Variants in PRKG1 observed in about 807,000 individuals in gnomAD.
PRKG1 encodes cGMP-dependent protein kinase 1.
In PRKG1, 35 loss-of-function variants were observed where a neutral mutation model predicts 88.1. The observed-to-expected ratio is 0.40, with a 90% confidence interval of 0.30 to 0.53. The LOEUF is 0.53. Among genes scored for constraint, PRKG1 ranks in the 20% least tolerant of loss-of-function variants. The pLI is 0.59. For synonymous variants in PRKG1, 303 were observed against 292.5 expected (o/e 1.04, Z -0.37); for missense variants, 540 against 839.8 (o/e 0.64, Z 4.41).
chr10:52,155,410 T>C (rs1838063989), intron 8 of PRKG1, among the ~76,000 whole-genome samples: 1 of 152,022 alleles, frequency 6.6e-6, no homozygotes, highest in African/African-American at 2.4e-5. Context: ...ACAGTAGAAT[T>C]ACTAGATAAG....
intron 3 of PRKG1, among the ~76,000 whole-genome samples, chr10:51,642,905 G>A (rs1453035765): frequency 6.6e-6 from 1 of 152,098 alleles, no homozygotes; most frequent in Non-Finnish European, 1.5e-5. Flanking sequence ...TGCATTTTGA[G>A]CTCTCTGAAA....
intron 2 of PRKG1, among the ~76,000 whole-genome samples, chr10:51,286,144 TA>T (rs1307980512): frequency 6.6e-6 from 1 of 152,130 alleles, no homozygotes; most frequent in African/African-American, 2.4e-5. Flanking sequence ...TTAATTTTTG[TA>T]TTTTTAGTAG....
chr10:51,975,446 T>TA (rs971014664), intron 5 of PRKG1, among the ~76,000 whole-genome samples: 50 of 148,382 alleles, frequency 3.4e-4, no homozygotes, highest in Middle Eastern at 3.3e-3. Flanking sequence ...TTGTGGAAAA[T>TA]AAAAAAAAAA....
rs1259304506 is a variant in PRKG1 at position 51,985,408 on chromosome 10, CA to C, written c.763-69070del. Among the ~76,000 whole-genome samples the C allele has an allele frequency of 9.2e-5, 14 of 152,060 alleles. No homozygotes were observed. In the South Asian group the frequency reaches 1.5e-3, roughly 16 times the overall value. On this transcript the variant is annotated intron_variant, in intron 5 of 17. Transcript: ENST00000373980. ...CTGTATATGTTATTAATTTAAGTGTCAAAAAATGTTATTCATAGCTTTATTT... is the reference window on the plus strand; with the variant it reads ...CTGTATATGTTATTAATTTAAGTGTCAAAAATGTTATTCATAGCTTTATTT...
At chr10:52,286,132 G>A (rs1484569493) in intron 14 of PRKG1, among the ~76,000 whole-genome samples, 1 of 152,008 alleles carries the variant, frequency 6.6e-6, no homozygotes. Flanking sequence ...TCCATGTGGT[G>A]AATTAATGAA....
chr10:51,846,579 A>C (rs1447063585), intron 4 of PRKG1, among the ~76,000 whole-genome samples: 2 of 152,188 alleles, frequency 1.3e-5, no homozygotes, highest in African/African-American at 4.8e-5. Flanking sequence ...CCACTATATT[A>C]ATATGTATAG....
intron 5 of PRKG1, among the ~76,000 whole-genome samples, chr10:51,954,115 A>T (rs1333660247): frequency 6.6e-6 from 1 of 152,192 alleles, no homozygotes; most frequent in African/African-American, 2.4e-5. Context: ...ATGTAGTTAT[A>T]TAAAAAAGTT....
At chr10:51,428,703 A>C (rs567179182) in intron 2 of PRKG1, among the ~76,000 whole-genome samples, 1 of 152,204 alleles carries the variant, frequency 6.6e-6, no homozygotes, top group African/African-American at 2.4e-5. Flanking sequence ...TGTGAAAACC[A>C]GTACTCAGTT....
intron 3 of PRKG1, among the ~76,000 whole-genome samples, chr10:51,649,020 TATAAATAA>T (rs993069324): frequency 5.3e-5 from 8 of 152,050 alleles, no homozygotes; most frequent in African/African-American, 1.9e-4. Context: ...ACCCCGTCTC[TATAAATAA>T]ATAAATAAAT....
chr10:51,129,080 T>C (rs1257134948), intron 1 of PRKG1, among the ~76,000 whole-genome samples: 1 of 152,224 alleles, frequency 6.6e-6, no homozygotes. Context: ...TATTGACATA[T>C]TATGTTTGTA....
chr10:51,163,751 C>G (rs1161085675), intron 2 of PRKG1, among the ~76,000 whole-genome samples: 1 of 152,240 alleles, frequency 6.6e-6, no homozygotes, highest in Non-Finnish European at 1.5e-5. Flanking sequence ...ATATCTCGCA[C>G]CTGGCTGGGA....
At chr10:51,262,005 G>GCCT (rs1199225777) in intron 2 of PRKG1, among the ~76,000 whole-genome samples, 2 of 149,332 alleles carry the variant, frequency 1.3e-5, no homozygotes, top group African/African-American at 5.0e-5. Context: ...TCCTGCCTCA[G>GCCT]CCTCCCGAGT....
chr10:51,791,603 G>C (rs541995260), intron 3 of PRKG1, among the ~76,000 whole-genome samples: 42 of 152,138 alleles, frequency 2.8e-4, no homozygotes, highest in African/African-American at 8.9e-4. Flanking sequence ...TCTCAGAGTA[G>C]AATATGGTAC....
chr10:51,094,632 C>T (rs1274299162), intron 1 of PRKG1, among the ~76,000 whole-genome samples: 4 of 151,514 alleles, frequency 2.6e-5, no homozygotes, highest in Non-Finnish European at 4.4e-5. Context: ...TCTAGGGCAG[C>T]GCTCCATAAA....
intron 1 of PRKG1, among the ~76,000 whole-genome samples, chr10:51,029,442 T>C (rs78890789): frequency 7.2e-5 from 11 of 152,126 alleles, no homozygotes; most frequent in Admixed American, 4.6e-4. Flanking sequence ...CCTGTAACTA[T>C]TTTTTTTAGA....
chr10:51,331,249 C>T lies in PRKG1; in HGVS notation c.479-136474C>T, dbSNP rs116267939. ...AGGGCATACTAGAAGCCAGAGGCCACTGCGGCCAGGACTGCCTGCTGCTGA... is the reference window on the plus strand; with the variant it reads ...AGGGCATACTAGAAGCCAGAGGCCATTGCGGCCAGGACTGCCTGCTGCTGA... On this transcript the variant is annotated intron_variant, in intron 2 of 17. Coordinates refer to ENST00000373980, the MANE Select transcript of PRKG1 (RefSeq NM_006258.4). 4.1e-3 allele frequency among the ~76,000 whole-genome samples: 625 copies of T among 152,184 alleles called. 2 individuals carry two copies. Among genetic ancestry groups the T allele is most frequent in the African/African-American group, 0.014 (591 of 41,528 alleles).
At chr10:51,764,772 A>T (rs1325153185) in intron 3 of PRKG1, among the ~76,000 whole-genome samples, 1 of 152,024 alleles carries the variant, frequency 6.6e-6, no homozygotes, top group African/African-American at 2.4e-5. Flanking sequence ...TGAAACCCTA[A>T]CTCCTAAGTT....
intron 2 of PRKG1, among the ~76,000 whole-genome samples, chr10:51,395,755 G>T (rs1837560020): frequency 6.6e-6 from 1 of 152,174 alleles, no homozygotes; most frequent in Admixed American, 6.5e-5. Flanking sequence ...AGGGAGAAGG[G>T]TTTTGAGATG....
chr10:51,714,851 T>G (rs1328886864), intron 3 of PRKG1, among the ~76,000 whole-genome samples: 1 of 152,240 alleles, frequency 6.6e-6, no homozygotes, highest in Non-Finnish European at 1.5e-5. Flanking sequence ...TAGAGCTGTA[T>G]GTCATAAAAA....
Sources: gnomAD v4.1 joint callset for allele counts (sites outside exome capture counted in the v4.1 genomes callset) on GRCh38, gnomAD v4.1.1 for gene constraint, MANE v1.5 for transcripts, NCBI Gene and HGNC (gene_info 2026-07-23, HGNC 2026-07-21) for gene names.